ITPR2: variants seen among roughly 807,000 people sequenced by gnomAD.
The protein encoded by ITPR2 is inositol 1,4,5-trisphosphate-gated calcium channel ITPR2.
ITPR2 carries 207 observed loss-of-function variants against 317.1 expected under a neutral mutation model. That is an observed-to-expected ratio of 0.65 (90% confidence interval 0.58 to 0.73). ITPR2 has a LOEUF of 0.73. Ranked by LOEUF, ITPR2 falls within the 30% of genes least tolerant of loss-of-function variation. The probability of loss-of-function intolerance (pLI) is 0.00; values close to 1 mark genes in which losing one functional copy is unlikely to be tolerated. For missense variants in ITPR2, 2,613 were observed against 3,284.0 expected, an observed-to-expected ratio of 0.80 and a Z score of 4.99; for synonymous variants, 1,156 against 1,149.1, an observed-to-expected ratio of 1.01 and a Z score of -0.12.
chr12:26,810,690 C>A (rs1950720359), intron 1 of ITPR2, among the ~76,000 whole-genome samples: 1 of 152,218 alleles, frequency 6.6e-6, no homozygotes, highest in African/African-American at 2.4e-5. Flanking sequence ...TATTTTCTCT[C>A]CCTTAATGTT....
intron 50 of ITPR2, among the ~76,000 whole-genome samples, chr12:26,418,642 G>A (rs1940798115): frequency 6.6e-6 from 1 of 151,708 alleles, no homozygotes; most frequent in South Asian, 2.1e-4. Flanking sequence ...CTATTCTAAA[G>A]GTACACATAA....
chr12:26,653,740 A>T (rs560080369), intron 21 of ITPR2, among the ~76,000 whole-genome samples: 1 of 152,344 alleles, frequency 6.6e-6, no homozygotes, highest in South Asian at 2.1e-4. Flanking sequence ...CTATAATGTT[A>T]GTTGCTAAAG....
chr12:26,673,706 A>G (rs1311271202), intron 13 of ITPR2, among the ~76,000 whole-genome samples: 2 of 151,514 alleles, frequency 1.3e-5, no homozygotes, highest in Non-Finnish European at 2.9e-5. Flanking sequence ...GCAATTAGGC[A>G]GGAGAAGAAA....
intron 13 of ITPR2, among the ~76,000 whole-genome samples, chr12:26,671,804 T>G (rs933615740): frequency 2.6e-5 from 4 of 152,162 alleles, no homozygotes; most frequent in Non-Finnish European, 4.4e-5. Context: ...TCAGGCAACC[T>G]ATCTCACGTG....
At chr12:26,616,582 A>G (rs1946379363) in intron 26 of ITPR2, among the ~76,000 whole-genome samples, 1 of 152,234 alleles carries the variant, frequency 6.6e-6, no homozygotes, top group Non-Finnish European at 1.5e-5. Flanking sequence ...AGAAAATTAT[A>G]CCACCAATTT....
At chr12:26,784,264 T>A (rs75960181) in intron 2 of ITPR2, among the ~76,000 whole-genome samples, 1 of 12,148 alleles carries the variant, frequency 8.2e-5, no homozygotes, top group African/African-American at 3.6e-4. Context: ...AATCTCCCTC[T>A]CCCTCTCCCT....
intron 49 of ITPR2, among the ~76,000 whole-genome samples, chr12:26,423,094 T>C (rs966628760): frequency 7.9e-5 from 12 of 152,170 alleles, no homozygotes; most frequent in Admixed American, 2.6e-4. Flanking sequence ...TAAATTCATC[T>C]CATCATACTT....
chr12:26,556,227 A>T lies in ITPR2; in HGVS notation c.4964+6T>A, dbSNP rs753453576. ...ACTAGCAGAATCTCAGATTGGATCCACTTACTTCGACATGAAAGCGCCACA... is the reference window on the plus strand; with the variant it reads ...ACTAGCAGAATCTCAGATTGGATCCTCTTACTTCGACATGAAAGCGCCACA... On this transcript the variant is annotated splice_donor_region_variant and intron_variant, in intron 36 of 56. Coordinates refer to ENST00000381340, the MANE Select transcript of ITPR2 (RefSeq NM_002223.4). 3 of 1,613,056 alleles carry T rather than the reference A, an allele frequency of 1.9e-6. No individual in the cohort carries two copies. The highest frequency in any genetic ancestry group is 2.5e-6 in the Non-Finnish European group (3 of 1,179,564).
At chr12:26,711,466 G>A (rs1447327573) in intron 8 of ITPR2, among the ~76,000 whole-genome samples, 198 bp from the exon 9 acceptor site, 3 of 152,134 alleles carry the variant, frequency 2.0e-5, no homozygotes, top group African/African-American at 4.8e-5. Context: ...TTGTTAACTC[G>A]TGCATGCATG....
chr12:26,649,695 C>T (rs1947197282), intron 21 of ITPR2, among the ~76,000 whole-genome samples: 1 of 152,124 alleles, frequency 6.6e-6, no homozygotes, highest in South Asian at 2.1e-4. Flanking sequence ...TCTACCCTCC[C>T]TCACTCCATC....
intron 32 of ITPR2, among the ~76,000 whole-genome samples, chr12:26,583,686 C>T (rs997618480): frequency 4.9e-4 from 75 of 152,066 alleles, no homozygotes; most frequent in African/African-American, 1.7e-3. Context: ...AATATTAATT[C>T]CTGTTTCATT....
At chr12:26,425,563 G>T (rs1265431234) in intron 49 of ITPR2, among the ~76,000 whole-genome samples, 1 of 151,674 alleles carries the variant, frequency 6.6e-6, no homozygotes, top group African/African-American at 2.4e-5. Context: ...AGCTACTCAG[G>T]AGCCTGAGGC....
chr12:26,522,078 T>A (rs1010995475), intron 37 of ITPR2, among the ~76,000 whole-genome samples: 9 of 152,226 alleles, frequency 5.9e-5, no homozygotes, highest in Non-Finnish European at 1.3e-4. Flanking sequence ...TATTTTCTAT[T>A]AAAGTTTTAC....
intron 55 of ITPR2, among the ~76,000 whole-genome samples, chr12:26,367,411 A>G (rs978808304): frequency 5.3e-5 from 8 of 152,048 alleles, no homozygotes; most frequent in African/African-American, 1.9e-4. Flanking sequence ...CACATACCCT[A>G]TATTTTTTTC....
chr12:26,650,435 A>G (rs1947221834), intron 21 of ITPR2, among the ~76,000 whole-genome samples: 1 of 152,194 alleles, frequency 6.6e-6, no homozygotes, highest in African/African-American at 2.4e-5. Flanking sequence ...CCCAATGTCA[A>G]CGATGAACTT....
chr12:26,546,438 T>C (rs1948010), intron 37 of ITPR2, among the ~76,000 whole-genome samples: 14,680 of 152,194 alleles, frequency 0.096, 962 homozygotes, highest in African/African-American at 0.19. Flanking sequence ...AGTGAGAACA[T>C]GTAGTATTTG....
Position 26,782,887 on chromosome 12 carries a change from C to T in ITPR2, c.163+7270G>A, listed in dbSNP as rs973848125. On this transcript the variant is annotated intron_variant, in intron 2 of 56. Transcript: ENST00000381340. ...GAAATTCAATATAGCAATTGTTAAG[C>T]GGGTGGAGCAAGTATTCATCATGGG... 3.9e-5 allele frequency among the ~76,000 whole-genome samples: 6 copies of T among 152,148 alleles called. No individual in the cohort carries two copies. The East Asian group carries it at 9.6e-4, about 24-fold the overall frequency.
rs377013991 is a variant in ITPR2 at position 26,668,024 on chromosome 12, T to C, written c.1410-1973A>G. ...CTCTGAAACTGCTGAAACCTTTTTT[T>C]GACCTTGCACCTCAAGCATCCCCTT... On this transcript the variant is annotated intron_variant, in intron 13 of 56. Transcript: ENST00000381340. 1.2e-4 allele frequency among the ~76,000 whole-genome samples: 19 copies of C among 152,356 alleles called. No homozygotes were observed. In the South Asian group the frequency reaches 3.9e-3, roughly 32 times the overall value.
At chr12:26,455,831 G>A (rs189610642) in intron 45 of ITPR2, among the ~76,000 whole-genome samples, 2 of 152,288 alleles carry the variant, frequency 1.3e-5, no homozygotes, top group South Asian at 2.1e-4. Flanking sequence ...TGCCTGCAAT[G>A]TAAGTGTCTT....
Sources: allele counts gnomAD v4.1 joint callset (sites outside exome capture counted in the v4.1 genomes callset), GRCh38; gene constraint gnomAD v4.1.1; transcripts MANE v1.5; gene names NCBI Gene and HGNC (gene_info 2026-07-23, HGNC 2026-07-21).